GRID2: variants seen among roughly 807,000 people sequenced by gnomAD.
The protein encoded by GRID2 is glutamate ionotropic receptor delta type subunit 2.
Under a neutral mutation model 114.8 loss-of-function variants are expected in GRID2, and 33 were observed. The ratio of observed to expected loss-of-function variants is 0.29; its 90% CI spans 0.22 to 0.38. The LOEUF (loss-of-function observed/expected upper bound fraction) is 0.38, where lower values mean the gene tolerates loss of function less well. Ranked by LOEUF, GRID2 falls within the 10% of genes least tolerant of loss-of-function variation. The probability of loss-of-function intolerance (pLI) is 1.00; values close to 1 mark genes in which losing one functional copy is unlikely to be tolerated. For synonymous variants in GRID2, 505 were observed against 449.9 expected (o/e 1.12, Z -1.55); for missense variants, 1,184 against 1,257.7 (o/e 0.94, Z 0.89).
chr4:93,066,859 A>G (rs1228791234), intron 2 of GRID2, among the ~76,000 whole-genome samples: 1 of 151,980 alleles, frequency 6.6e-6, no homozygotes, highest in Non-Finnish European at 1.5e-5. Flanking sequence ...TACAAGCTCT[A>G]CTTATTTTAC....
At chr4:93,394,686 A>G (rs1765164064) in intron 8 of GRID2, among the ~76,000 whole-genome samples, 2 of 152,032 alleles carry the variant, frequency 1.3e-5, no homozygotes, top group Non-Finnish European at 2.9e-5. Flanking sequence ...TTAAGTGTGC[A>G]CATGCGGAAT....
At chr4:92,750,682 C>G (rs1737407728) in intron 2 of GRID2, among the ~76,000 whole-genome samples, 1 of 152,152 alleles carries the variant, frequency 6.6e-6, no homozygotes, top group Non-Finnish European at 1.5e-5. Context: ...GTTCTGTAAC[C>G]TTAATATCTT....
At chr4:93,771,357 T>TA (rs1487737639) in intron 15 of GRID2, among the ~76,000 whole-genome samples, 1 of 152,204 alleles carries the variant, frequency 6.6e-6, no homozygotes, top group Non-Finnish European at 1.5e-5. Flanking sequence ...TGAGGTCAGT[T>TA]AGCATAAAGC....
intron 2 of GRID2, among the ~76,000 whole-genome samples, chr4:92,613,185 G>T (rs1729839899): frequency 6.6e-6 from 1 of 151,260 alleles, no homozygotes; most frequent in African/African-American, 2.4e-5. Flanking sequence ...TGATCATGTG[G>T]TTTTTATCCT....
Position 93,224,733 on chromosome 4 carries a change from G to A in GRID2, c.1083G>A (p.Lys361=). The A allele has an allele frequency of 6.2e-7, 1 of 1,613,280 alleles. No homozygotes were observed. The highest frequency in any genetic ancestry group is 8.5e-7 in the Non-Finnish European group (1 of 1,179,478). The stretch of plus-strand genomic sequence containing the variant: ...TGTCATGTATCAGAAAGAACTCAAA[G>A]CCCTGGCAGGGTGGGCGCTCCATGT... ...ASLSCIRKNS[K]PWQGGRSMLE... Residue 361 remains lysine, a synonymous_variant, in exon 7 of 16, where the codon AAG becomes AAA. Coordinates refer to ENST00000282020, the MANE Select transcript of GRID2 (RefSeq NM_001510.4).
chr4:92,452,621 C>T (rs943535584), intron 1 of GRID2, among the ~76,000 whole-genome samples: 1 of 151,822 alleles, frequency 6.6e-6, no homozygotes, highest in Non-Finnish European at 1.5e-5. Flanking sequence ...CCAAGGTGCC[C>T]GGCCCTCTTT....
intron 1 of GRID2, among the ~76,000 whole-genome samples, chr4:92,447,856 C>A (rs145571334): frequency 3.3e-5 from 5 of 152,288 alleles, no homozygotes; most frequent in Middle Eastern, 6.8e-3. Context: ...AAAGGCCCCA[C>A]CTCCTAATAC....
At chr4:92,927,980 T>C (rs549197776) in intron 2 of GRID2, among the ~76,000 whole-genome samples, 1 of 151,838 alleles carries the variant, frequency 6.6e-6, no homozygotes, top group Admixed American at 6.6e-5. Context: ...GTGCTCAAAA[T>C]GTTTCAAATT....
chr4:92,718,515 C>T (rs966743734), intron 2 of GRID2, among the ~76,000 whole-genome samples: 7 of 151,300 alleles, frequency 4.6e-5, no homozygotes, highest in African/African-American at 1.7e-4. Context: ...GCCTATAATC[C>T]CAATTTGGGA....
At chr4:93,778,352 T>G (rs1734410973), downstream of GRID2, among the ~76,000 whole-genome samples, 1 of 150,560 alleles carries the variant, frequency 6.6e-6, no homozygotes, top group Non-Finnish European at 1.5e-5. Context: ...AAAATTAAGC[T>G]GAAAAATAGA....
At position 93,594,639 on chromosome 4, in the gene GRID2, G is replaced by A. The variant is rs1373496223; in HGVS notation, c.2194-31630G>A. 1.2e-4 allele frequency among the ~76,000 whole-genome samples: 18 copies of A among 152,290 alleles called. No homozygotes were observed. The East Asian group carries it at 1.9e-3, about 16-fold the overall frequency. ...TAAGCAAGCCTGGGCAATGGCGGGC[G>A]CCCCTCCCCCAGCCTCGCTGCCACC... On this transcript the variant is annotated intron_variant, in intron 13 of 15. Transcript: ENST00000282020.
chr4:92,411,454 G>A (rs928456623), intron 1 of GRID2, among the ~76,000 whole-genome samples: 2 of 151,582 alleles, frequency 1.3e-5, no homozygotes, highest in African/African-American at 4.9e-5. Flanking sequence ...AACTAAATAT[G>A]TTACTTTATT....
At chr4:93,261,795 T>C (rs1750282657) in intron 8 of GRID2, among the ~76,000 whole-genome samples, 1 of 151,824 alleles carries the variant, frequency 6.6e-6, no homozygotes, top group Non-Finnish European at 1.5e-5. Context: ...GCAAACTTTT[T>C]CTGTAAATAT....
intron 4 of GRID2, among the ~76,000 whole-genome samples, chr4:93,157,469 A>G (rs1484406008): frequency 6.6e-6 from 1 of 151,770 alleles, no homozygotes; most frequent in Non-Finnish European, 1.5e-5. Context: ...CAAATATGAG[A>G]GCATGTAACT....
At chr4:92,683,010 A>G (rs990046794) in intron 2 of GRID2, among the ~76,000 whole-genome samples, 1 of 152,068 alleles carries the variant, frequency 6.6e-6, no homozygotes, top group Non-Finnish European at 1.5e-5. Flanking sequence ...AAAATATTCT[A>G]GTTAATAGGC....
intron 2 of GRID2, among the ~76,000 whole-genome samples, chr4:92,855,244 G>T (rs150943459): frequency 1.3e-5 from 2 of 152,132 alleles, no homozygotes; most frequent in Non-Finnish European, 2.9e-5. Context: ...TGTCAATTAA[G>T]TTTCTACCTC....
At chr4:93,421,432 CAT>C (rs1768276498) in intron 9 of GRID2, among the ~76,000 whole-genome samples, 1 of 152,092 alleles carries the variant, frequency 6.6e-6, no homozygotes, top group Non-Finnish European at 1.5e-5. Context: ...TCTAAGATAA[CAT>C]ATAAACAGTG....
intron 3 of GRID2, among the ~76,000 whole-genome samples, chr4:93,088,900 C>G (rs1448297585): frequency 1.3e-5 from 2 of 151,982 alleles, no homozygotes; most frequent in Non-Finnish European, 2.9e-5. Flanking sequence ...AATCATTTAT[C>G]AGTATAAAGG....
intron 2 of GRID2, among the ~76,000 whole-genome samples, chr4:92,936,991 A>C (rs1295878782): frequency 1.4e-5 from 2 of 146,262 alleles, no homozygotes; most frequent in African/African-American, 4.9e-5. Flanking sequence ...TTTTTGGAGA[A>C]ATGTCTCTTC....
Sources: allele counts gnomAD v4.1 joint callset (sites outside exome capture counted in the v4.1 genomes callset), GRCh38; gene constraint gnomAD v4.1.1; transcripts MANE v1.5; gene names NCBI Gene and HGNC (gene_info 2026-07-23, HGNC 2026-07-21).